Variants in GRM7 observed in about 807,000 individuals in gnomAD.
The protein encoded by GRM7 is metabotropic glutamate receptor 7.
Under a neutral mutation model 84.5 loss-of-function variants are expected in GRM7, and 35 were observed. That is an observed-to-expected ratio of 0.41 (90% confidence interval 0.32 to 0.55). The LOEUF is 0.55. Ranked by LOEUF, GRM7 falls within the 20% of genes least tolerant of loss-of-function variation. The probability of loss-of-function intolerance (pLI) is 0.19; values close to 1 mark genes in which losing one functional copy is unlikely to be tolerated. For synonymous variants in GRM7, 487 were observed against 455.1 expected, an observed-to-expected ratio of 1.07 and a Z score of -0.89; for missense variants, 1,003 against 1,194.6, an observed-to-expected ratio of 0.84 and a Z score of 2.36.
At chr3:7,080,398 C>T (rs973509552) in intron 1 of GRM7, among the ~76,000 whole-genome samples, 10 of 151,950 alleles carry the variant, frequency 6.6e-5, no homozygotes, top group Admixed American at 4.6e-4. Flanking sequence ...AATTATTGAC[C>T]GGCTTTCCTA....
At chr3:7,476,483 G>A (rs1407747519) in intron 7 of GRM7, among the ~76,000 whole-genome samples, 3 of 152,072 alleles carry the variant, frequency 2.0e-5, no homozygotes, top group African/African-American at 7.2e-5. Flanking sequence ...GGAAGCAGAG[G>A]TTGCAGTGAG....
At chr3:7,330,623 G>A (rs1013637677) in intron 4 of GRM7, among the ~76,000 whole-genome samples, 1 of 152,098 alleles carries the variant, frequency 6.6e-6, no homozygotes, top group Non-Finnish European at 1.5e-5. Context: ...GCTTTATAAG[G>A]GCTTTCCCCT....
At chr3:7,381,881 G>A (rs1289949142) in intron 4 of GRM7, among the ~76,000 whole-genome samples, 1 of 152,038 alleles carries the variant, frequency 6.6e-6, no homozygotes, top group Non-Finnish European at 1.5e-5. Flanking sequence ...CCTAGCTCAG[G>A]GTAAGTGGCC....
chr3:7,044,320 A>G (rs982459755), intron 1 of GRM7, among the ~76,000 whole-genome samples: 1 of 152,192 alleles, frequency 6.6e-6, no homozygotes, highest in Non-Finnish European at 1.5e-5. Context: ...CTTTAATGAT[A>G]TTGAGAAATG....
intron 1 of GRM7, among the ~76,000 whole-genome samples, chr3:7,091,188 T>C (rs1026637602): frequency 2.0e-5 from 3 of 150,898 alleles, no homozygotes; most frequent in East Asian, 2.0e-4. Context: ...AAGGATTGAT[T>C]TGTAGGCCTG....
chr3:7,064,501 T>TATACACACACACAC lies in GRM7; in HGVS notation c.520-81950_520-81949insTACACACACACACA, dbSNP rs1417949952. Among the ~76,000 whole-genome samples the TATACACACACACAC allele has an allele frequency of 5.5e-5, 5 of 90,292 alleles. 1 individual carries two copies. The highest frequency in any genetic ancestry group is 8.7e-5 in the Non-Finnish European group (4 of 45,790). 59.2% of individuals were successfully genotyped at this position (90,292 alleles called of 152,430 possible). On this transcript the variant is annotated intron_variant, in intron 1 of 9. Coordinates refer to ENST00000357716, the MANE Select transcript of GRM7 (RefSeq NM_000844.4). ...ATATACACACATATACATATATATATACACATATATATATATACACACACA... is the reference window on the plus strand; with the variant it reads ...ATATACACACATATACATATATATATATACACACACACACACACATATATATATATACACACACA...
At chr3:7,081,138 C>A (rs1315098025) in intron 1 of GRM7, among the ~76,000 whole-genome samples, 4 of 152,010 alleles carry the variant, frequency 2.6e-5, no homozygotes, top group Non-Finnish European at 5.9e-5. Context: ...GATATAAGTA[C>A]AGGCATACCT....
intron 1 of GRM7, among the ~76,000 whole-genome samples, chr3:6,936,000 C>T (rs971728228): frequency 6.6e-6 from 1 of 152,160 alleles, no homozygotes; most frequent in African/African-American, 2.4e-5. Context: ...TGAGCCACCA[C>T]TCCCAGCCTT....
At chr3:7,653,180 C>CTTTTTTTTTTTTTTTT (rs1218949173) in intron 8 of GRM7, among the ~76,000 whole-genome samples, 4 of 89,514 alleles carry the variant, frequency 4.5e-5, no homozygotes, top group Admixed American at 1.4e-4. Context: ...ATACTATATC[C>CTTTTTTTTTTTTTTTT]TTTTTTTTTT....
intron 7 of GRM7, among the ~76,000 whole-genome samples, chr3:7,525,042 A>G (rs2124996555): frequency 6.6e-6 from 1 of 150,580 alleles, no homozygotes; most frequent in African/African-American, 2.4e-5. Flanking sequence ...ACATGTTCTC[A>G]CTCATAGATG....
At chr3:6,986,881 T>C (rs924344100) in intron 1 of GRM7, among the ~76,000 whole-genome samples, 3 of 152,194 alleles carry the variant, frequency 2.0e-5, no homozygotes, top group Non-Finnish European at 4.4e-5. Flanking sequence ...GTCATCTCTA[T>C]ACCTTCAGCT....
chr3:7,549,333 T>G (rs1327285068), intron 7 of GRM7, among the ~76,000 whole-genome samples: 3 of 152,212 alleles, frequency 2.0e-5, no homozygotes, highest in Non-Finnish European at 4.4e-5. Flanking sequence ...ACTGTATAAT[T>G]GTATGCTACA....
chr3:7,733,144 A>G (rs553881167), intron 9 of GRM7, among the ~76,000 whole-genome samples: 4 of 151,202 alleles, frequency 2.6e-5, no homozygotes, highest in South Asian at 2.1e-4. Context: ...TCTTGTGCCA[A>G]CCTCCTCTCT....
chr3:7,110,444 T>TA (rs894682665), intron 1 of GRM7, among the ~76,000 whole-genome samples: 3 of 151,630 alleles, frequency 2.0e-5, no homozygotes, highest in South Asian at 2.1e-4. Flanking sequence ...CTACTAAAAA[T>TA]AAAAAAACTA....
At chr3:7,630,118 T>A (rs141366742) in intron 8 of GRM7, among the ~76,000 whole-genome samples, 15 of 152,330 alleles carry the variant, frequency 9.8e-5, no homozygotes, top group African/African-American at 3.4e-4. Context: ...AGTTTGATAC[T>A]CTGCATATAT....
chr3:7,399,949 A>C (rs544362841), intron 4 of GRM7, among the ~76,000 whole-genome samples: 1 of 152,312 alleles, frequency 6.6e-6, no homozygotes. Flanking sequence ...CCTTTACAGC[A>C]ACACAAAAAC....
chr3:7,640,674 A>G (rs1257747985), intron 8 of GRM7, among the ~76,000 whole-genome samples: 1 of 152,228 alleles, frequency 6.6e-6, no homozygotes, highest in Non-Finnish European at 1.5e-5. Flanking sequence ...AGCAATAGCT[A>G]TAGCCTAGTA....
chr3:7,638,188 T>C (rs1302714642), intron 8 of GRM7, among the ~76,000 whole-genome samples: 1 of 151,718 alleles, frequency 6.6e-6, no homozygotes, highest in East Asian at 1.9e-4. Context: ...TCCAGAATCA[T>C]AAATTAATCT....
intron 2 of GRM7, among the ~76,000 whole-genome samples, chr3:7,269,759 G>T (rs2124975145): frequency 6.6e-6 from 1 of 152,072 alleles, no homozygotes; most frequent in African/African-American, 2.4e-5. Context: ...ACTTTCATTT[G>T]GCAACTGTCA....
Sources: allele counts gnomAD v4.1 joint callset (sites outside exome capture counted in the v4.1 genomes callset), GRCh38; gene constraint gnomAD v4.1.1; transcripts MANE v1.5; gene names NCBI Gene and HGNC (gene_info 2026-07-23, HGNC 2026-07-21).